CDR2: variants seen among roughly 807,000 people sequenced by gnomAD.
CDR2 encodes cerebellar degeneration-related protein 2.
A neutral mutation model predicts 48.4 loss-of-function variants in CDR2; 34 were observed. The observed-to-expected ratio is 0.70, with a 90% CI of 0.53 to 0.94. CDR2 has a LOEUF of 0.94. Ranked by LOEUF, CDR2 falls within the 40% of genes least tolerant of loss-of-function variation. The pLI is 0.00. For synonymous variants in CDR2, 240 were observed against 219.7 expected, an observed-to-expected ratio of 1.09 and a Z score of -0.82; for missense variants, 498 against 549.5, an observed-to-expected ratio of 0.91 and a Z score of 0.94.
chr16:22,356,369 G>A (rs1431298524), intron 2 of CDR2, among the ~76,000 whole-genome samples: 1 of 152,212 alleles, frequency 6.6e-6, no homozygotes, highest in Non-Finnish European at 1.5e-5. Flanking sequence ...TGTAATCCCA[G>A]CACTCTGGGA....
At chr16:22,362,581 G>C (rs987097360) in intron 2 of CDR2, among the ~76,000 whole-genome samples, 2 of 152,112 alleles carry the variant, frequency 1.3e-5, no homozygotes, top group Non-Finnish European at 2.9e-5. Context: ...ATCAGGCCTC[G>C]GATAAACCTC....
chr16:22,372,093 T>A (rs1187160466), intron 1 of CDR2, among the ~76,000 whole-genome samples: 1 of 152,116 alleles, frequency 6.6e-6, no homozygotes, highest in Non-Finnish European at 1.5e-5. Context: ...TGGTCTCGAA[T>A]TCCTGGCCTC....
Position 22,346,886 on chromosome 16 carries a change from A to C in CDR2, c.*79T>G. ...AACGTCATGAGTAACATTAGGCTTC[A>C]GAGTCTACAAACACTTGTCTGAATG... On this transcript the variant is annotated 3_prime_UTR_variant, in exon 5 of 5. Transcript: ENST00000268383. The C allele has an allele frequency of 6.9e-7, 1 of 1,446,314 alleles. No individual in the cohort carries two copies. The highest frequency in any genetic ancestry group is 9.5e-7 in the Non-Finnish European group (1 of 1,056,568). 89.6% of individuals were successfully genotyped at this position (1,446,314 alleles called of 1,614,324 possible).
intron 2 of CDR2, among the ~76,000 whole-genome samples, chr16:22,355,941 T>C (rs1235636689): frequency 6.6e-6 from 1 of 152,178 alleles, no homozygotes; most frequent in East Asian, 1.9e-4. Context: ...ATTTTTTCTT[T>C]TGACAGAGGC....
At position 22,354,123 on chromosome 16, in the gene CDR2, C is replaced by T. The variant is rs141349992; in HGVS notation, c.193-4274G>A. Reference sequence around the variant, plus strand: ...TTATTAAAGTGTAAGAACCTGGGTCCCTTCCCCTCAAACGGCTGAGACTGG... The same window carrying T: ...TTATTAAAGTGTAAGAACCTGGGTCTCTTCCCCTCAAACGGCTGAGACTGG... On this transcript the variant is annotated intron_variant, in intron 2 of 4. Coordinates refer to ENST00000268383, the MANE Select transcript of CDR2 (RefSeq NM_001802.2). Among the ~76,000 whole-genome samples, 11 of 152,266 alleles carry T rather than the reference C, an allele frequency of 7.2e-5. No homozygotes were observed. The East Asian group carries it at 2.1e-3, about 29-fold the overall frequency.
At chr16:22,359,467 T>G (rs2048997573) in intron 2 of CDR2, among the ~76,000 whole-genome samples, 1 of 152,130 alleles carries the variant, frequency 6.6e-6, no homozygotes, top group South Asian at 2.1e-4. Flanking sequence ...ATGCAACGAT[T>G]TATACCGTTC....
intron 1 of CDR2, among the ~76,000 whole-genome samples, chr16:22,371,704 G>A (rs2049077880): frequency 6.6e-6 from 1 of 152,186 alleles, no homozygotes; most frequent in Admixed American, 6.5e-5. Flanking sequence ...ATATTCACAA[G>A]TTACAATTGT....
chr16:22,350,279 TAG>T (rs2048933937), intron 2 of CDR2, among the ~76,000 whole-genome samples: 1 of 152,198 alleles, frequency 6.6e-6, no homozygotes, highest in African/African-American at 2.4e-5. Flanking sequence ...GGGGCTGACA[TAG>T]AGTCTCCATC....
At chr16:22,360,737 ATCTT>A (rs1488306543) in intron 2 of CDR2, among the ~76,000 whole-genome samples, 10 of 104,360 alleles carry the variant, frequency 9.6e-5, no homozygotes, top group African/African-American at 1.8e-4. Context: ...TAAAAAAATG[ATCTT>A]TTTTTTTTTT....
chr16:22,348,444 A>G (rs1179910153), intron 4 of CDR2, among the ~76,000 whole-genome samples: 1 of 152,248 alleles, frequency 6.6e-6, no homozygotes, highest in Non-Finnish European at 1.5e-5. Context: ...CCCAACCCAC[A>G]GATTCCAACC....
At position 22,346,924 on chromosome 16, in the gene CDR2, G is replaced by A. The variant is rs887285303; in HGVS notation, c.*41C>T. ...ACTTGTCTGAATGGGAGAGAGAGGC[G>A]ATAGGCAATAGGCAAATTAGTAGTA... On this transcript the variant is annotated 3_prime_UTR_variant, in exon 5 of 5. Coordinates refer to ENST00000268383, the MANE Select transcript of CDR2 (RefSeq NM_001802.2). 4.5e-5 allele frequency: 71 copies of A among 1,575,608 alleles called. 1 individual carries two copies. In the Middle Eastern group the frequency reaches 1.7e-3, roughly 38 times the overall value.
intron 2 of CDR2, among the ~76,000 whole-genome samples, chr16:22,362,181 G>A (rs536311091): frequency 5.3e-5 from 8 of 152,268 alleles, no homozygotes; most frequent in South Asian, 2.1e-4. Flanking sequence ...GATTACAGGC[G>A]TGAGCCACCG....
intron 1 of CDR2, 35 bp downstream of exon 1, chr16:22,374,196 G>A: frequency 4.7e-6 from 7 of 1,474,546 alleles, no homozygotes; most frequent in Non-Finnish European, 6.5e-6. Context: ...CCCGGGCCAG[G>A]CCGCCGCCCG....
intron 2 of CDR2, among the ~76,000 whole-genome samples, chr16:22,361,533 T>C (rs1038708928): frequency 2.0e-5 from 3 of 152,236 alleles, no homozygotes; most frequent in African/African-American, 7.2e-5. Context: ...TCTCTACATC[T>C]GCCCAGGCAC....
At chr16:22,374,090 C>T (rs2049099470) in intron 1 of CDR2, 141 bp downstream of exon 1, 1 of 545,464 alleles carries the variant, frequency 1.8e-6, no homozygotes, top group Non-Finnish European at 3.2e-6. Context: ...GCGGGCACGG[C>T]CGGCCCAGCC....
At chr16:22,366,106 G>A (rs1483450047) in intron 1 of CDR2, among the ~76,000 whole-genome samples, 1 of 152,202 alleles carries the variant, frequency 6.6e-6, no homozygotes, top group Non-Finnish European at 1.5e-5. Context: ...TTTGTTGCCA[G>A]GCACTATGCT....
At chr16:22,371,083 T>C (rs906805817) in intron 1 of CDR2, among the ~76,000 whole-genome samples, 7 of 151,938 alleles carry the variant, frequency 4.6e-5, no homozygotes, top group African/African-American at 1.7e-4. Flanking sequence ...TGGTGGCACG[T>C]GTCTGTAATC....
chr16:22,354,726 TAAAA>T (rs755319252), intron 2 of CDR2, among the ~76,000 whole-genome samples: 1 of 132,252 alleles, frequency 7.6e-6, no homozygotes, highest in African/African-American at 2.8e-5. Flanking sequence ...CATCTCTACT[TAAAA>T]AAAAAAAAAA....
At chr16:22,347,968 T>A (rs2048918906) in intron 4 of CDR2, 145 bp from the exon 5 acceptor site, 5 of 782,382 alleles carry the variant, frequency 6.4e-6, no homozygotes, top group Admixed American at 3.0e-5. Flanking sequence ...AGACGGAGTC[T>A]CACTTTGTCG....
Sources: gnomAD v4.1 joint callset for allele counts (sites outside exome capture counted in the v4.1 genomes callset) on GRCh38, gnomAD v4.1.1 for gene constraint, MANE v1.5 for transcripts, NCBI Gene and HGNC (gene_info 2026-07-23, HGNC 2026-07-21) for gene names.